TGM2: variants seen among roughly 807,000 people sequenced by gnomAD.
TGM2 encodes protein-glutamine gamma-glutamyltransferase 2.
TGM2 carries 53 observed loss-of-function variants against 75.6 expected under a neutral mutation model. The ratio of observed to expected loss-of-function variants is 0.70; its 90% CI spans 0.56 to 0.88. The LOEUF (loss-of-function observed/expected upper bound fraction) is 0.88, where lower values mean the gene tolerates loss of function less well. TGM2 is among the 40% of genes least tolerant of loss of function. TGM2 has a pLI of 0.00. For missense variants in TGM2, 842 were observed against 928.5 expected, an observed-to-expected ratio of 0.91 and a Z score of 1.21; for synonymous variants, 374 against 381.1, an observed-to-expected ratio of 0.98 and a Z score of 0.22.
At chr20:38,138,033 C>T in intron 10 of TGM2, 80 bp downstream of exon 10, 1 of 1,502,398 alleles carries the variant, frequency 6.7e-7, no homozygotes, top group Non-Finnish European at 8.9e-7. Flanking sequence ...GGTGAAATCA[C>T]ACATGCTAAG....
chr20:38,168,329 T>C (rs980256845), upstream of TGM2, among the ~76,000 whole-genome samples: 5 of 152,192 alleles, frequency 3.3e-5, no homozygotes, highest in Admixed American at 1.3e-4. Flanking sequence ...GGTTTCAGTT[T>C]TCCCATTTGT....
upstream of TGM2, among the ~76,000 whole-genome samples, chr20:38,167,027 G>A (rs1369364376): frequency 1.3e-5 from 2 of 152,124 alleles, no homozygotes; most frequent in Non-Finnish European, 2.9e-5. Flanking sequence ...ATGGGGGAAA[G>A]AATCCCTCCC....
At chr20:38,136,042 C>T (rs918979116) in intron 10 of TGM2, among the ~76,000 whole-genome samples, 2 of 152,234 alleles carry the variant, frequency 1.3e-5, no homozygotes, top group African/African-American at 2.4e-5. Context: ...TCTTCCTGGC[C>T]TCGGGAAATG....
intron 8 of TGM2, among the ~76,000 whole-genome samples, chr20:38,140,322 A>G (rs529187476): frequency 6.6e-6 from 1 of 152,348 alleles, no homozygotes; most frequent in Non-Finnish European, 1.5e-5. Context: ...ATAAAAATTC[A>G]AATCACAGAA....
At chr20:38,138,501 G>A (rs1032625215) in intron 9 of TGM2, 116 bp from the exon 10 acceptor site, 2 of 1,579,756 alleles carry the variant, frequency 1.3e-6, no homozygotes, top group African/African-American at 2.7e-5. Context: ...CCATGAAGGA[G>A]CCCCTTCTCT....
At chr20:38,130,969 C>T (rs2074821777) in intron 12 of TGM2, 124 bp downstream of exon 12, 1 of 1,481,700 alleles carries the variant, frequency 6.7e-7, no homozygotes, top group Non-Finnish European at 9.2e-7. Context: ...GGAGTGGGCA[C>T]AGCTGTGTGG....
intron 1 of TGM2, among the ~76,000 whole-genome samples, chr20:38,163,628 C>G (rs1394877372): frequency 6.6e-6 from 1 of 152,152 alleles, no homozygotes; most frequent in Non-Finnish European, 1.5e-5. Context: ...TATGACCACC[C>G]CTTCGCCACC....
chr20:38,134,776 T>G (rs1429859507), intron 10 of TGM2, among the ~76,000 whole-genome samples: 1 of 152,214 alleles, frequency 6.6e-6, no homozygotes. Flanking sequence ...TGGGGGCAAC[T>G]GGATTCCTTT....
chr20:38,160,845 C>A (rs1248785002), intron 2 of TGM2, among the ~76,000 whole-genome samples: 1 of 151,998 alleles, frequency 6.6e-6, no homozygotes, highest in Non-Finnish European at 1.5e-5. Context: ...TTTCTTTTTT[C>A]TTTTAAGGTG....
At chr20:38,130,849 C>T (rs17787661) in intron 12 of TGM2, among the ~76,000 whole-genome samples, 2,049 of 152,238 alleles carry the variant, frequency 0.013, 24 homozygotes, top group Non-Finnish European at 0.022. Flanking sequence ...TGCAGGTGAG[C>T]GCCTATTGAC....
chr20:38,144,880 G>C (rs1222087689), intron 6 of TGM2, among the ~76,000 whole-genome samples: 1 of 152,178 alleles, frequency 6.6e-6, no homozygotes, highest in Non-Finnish European at 1.5e-5. Context: ...CCAGAACACA[G>C]CCCTGCAGTG....
intron 10 of TGM2, chr20:38,132,706 A>G (rs2074851005): frequency 1.4e-6 from 1 of 709,166 alleles, no homozygotes; most frequent in African/African-American, 1.8e-5. Context: ...CGGGTAGAGG[A>G]CGCACTTGGA....
Position 38,142,075 on chromosome 20 carries a change from G to C in TGM2, c.984C>G (p.Ser328Arg), listed in dbSNP as rs368023176. 6.2e-7 allele frequency: 1 copy of C among 1,614,014 alleles called. No individual in the cohort carries two copies. Among genetic ancestry groups the C allele is most frequent in the East Asian group, 2.2e-5 (1 of 44,880 alleles). Residue 328 changes from serine (S) to arginine (R), a missense_variant, in exon 7 of 13, where the codon AGC (serine) becomes AGG (arginine). Transcript: ENST00000361475. ...NEFGEIQGDK[S>R]EMIWNFHCWV... ...GGCCCCCACCTCACCAGATCATCTC[G>C]CTCTTGTCACCCTGGATCTCCCCAA...
At chr20:38,135,282 C>T (rs935492684) in intron 10 of TGM2, among the ~76,000 whole-genome samples, 12 of 152,130 alleles carry the variant, frequency 7.9e-5, no homozygotes, top group Non-Finnish European at 7.3e-5. Context: ...GCTCTGAGCA[C>T]GAGAAGGAGC....
chr20:38,154,411 A>G (rs747629117), intron 3 of TGM2, among the ~76,000 whole-genome samples: 1 of 152,058 alleles, frequency 6.6e-6, no homozygotes, highest in Non-Finnish European at 1.5e-5. Context: ...TTAGAATAGG[A>G]AGGAAACAGA....
At chr20:38,143,483 G>T (rs2075003846) in intron 6 of TGM2, among the ~76,000 whole-genome samples, 2 of 152,196 alleles carry the variant, frequency 1.3e-5, no homozygotes, top group African/African-American at 4.8e-5. Flanking sequence ...CCTGTTTGCT[G>T]GGAAAGGGGC....
Position 38,141,272 on chromosome 20 carries a change from G to A in TGM2, c.1099+10C>T, listed in dbSNP as rs759360603. ...CCATCTGTTTGACGCGACAGTGCCCGCCCACGCACCTTCGCTCTTCTCCTG... is the reference window on the plus strand; with the variant it reads ...CCATCTGTTTGACGCGACAGTGCCCACCCACGCACCTTCGCTCTTCTCCTG... On this transcript the variant is annotated intron_variant, in intron 8 of 12. Coordinates refer to ENST00000361475, the MANE Select transcript of TGM2 (RefSeq NM_004613.4). 16 of 1,557,562 alleles carry A rather than the reference G, an allele frequency of 1.0e-5. No individual in the cohort carries two copies. Among genetic ancestry groups the A allele is most frequent in the African/African-American group, 8.1e-5 (6 of 73,698 alleles).
intron 10 of TGM2, 135 bp from the exon 11 acceptor site, chr20:38,132,635 T>A: frequency 8.2e-7 from 1 of 1,212,852 alleles, no homozygotes; most frequent in Non-Finnish European, 1.2e-6. Context: ...GGCGGATCCC[T>A]GAACTCCCCA....
chr20:38,155,919 C>A lies in TGM2; in HGVS notation c.361G>T (p.Ala121Ser). 6.2e-7 allele frequency: 1 copy of A among 1,609,962 alleles called. No individual in the cohort carries two copies. Among genetic ancestry groups the A allele is most frequent in the Non-Finnish European group, 8.5e-7 (1 of 1,178,498 alleles). The change falls in exon 3 of 13, where the codon GCC becomes TCC. Residue 121 changes from alanine (A) to serine (S), a missense_variant. Ala to Ser is a moderately conservative substitution (Grantham distance 99). Coordinates refer to ENST00000361475, the MANE Select transcript of TGM2 (RefSeq NM_004613.4). ...PIGLYRLSLE[A>S]STGYQGSSFV... ...CTGGATCCCTGGTAGCCAGTGGAGG[C>A]CTCCAGGCTGAGGCGATACAGGCCG...
Sources: gnomAD v4.1 joint callset for allele counts (sites outside exome capture counted in the v4.1 genomes callset) on GRCh38, gnomAD v4.1.1 for gene constraint, MANE v1.5 for transcripts, NCBI Gene and HGNC (gene_info 2026-07-23, HGNC 2026-07-21) for gene names.